Variants in ABCC1 observed in about 807,000 individuals in gnomAD.
ABCC1 encodes the protein ATP binding cassette subfamily C member 1 (ABCC1 blood group), also known as multidrug resistance-associated protein 1.
ABCC1 carries 83 observed loss-of-function variants against 172.9 expected under a neutral mutation model. The ratio of observed to expected loss-of-function variants is 0.48; its 90% CI spans 0.40 to 0.58. ABCC1 has a LOEUF of 0.58. Ranked by LOEUF, ABCC1 falls within the 20% of genes least tolerant of loss-of-function variation. ABCC1 has a pLI of 0.00. For synonymous variants in ABCC1, 937 were observed against 825.2 expected (o/e 1.14, Z -2.32); for missense variants, 1,817 against 2,002.7 (o/e 0.91, Z 1.77).
chr16:16,013,273 T>G (rs2047863012), intron 3 of ABCC1, among the ~76,000 whole-genome samples: 2 of 150,906 alleles, frequency 1.3e-5, no homozygotes, highest in South Asian at 4.2e-4. Context: ...AGCACATGTT[T>G]TTTTTTTTTT....
intron 1 of ABCC1, among the ~76,000 whole-genome samples, chr16:16,002,960 G>A (rs2047371319): frequency 6.6e-6 from 1 of 152,134 alleles, no homozygotes; most frequent in African/African-American, 2.4e-5. Flanking sequence ...AATTTGGGGA[G>A]AAAGACATAT....
chr16:16,125,747 G>T, intron 25 of ABCC1, 63 bp from the exon 26 acceptor site: 73 of 464,078 alleles, frequency 1.6e-4, no homozygotes, highest in Non-Finnish European at 2.0e-4. Context: ...TGGAAAAAAA[G>T]AAAAAGGAAA....
chr16:16,006,160 C>G (rs1207115669), intron 1 of ABCC1, among the ~76,000 whole-genome samples: 1 of 151,850 alleles, frequency 6.6e-6, no homozygotes, highest in Non-Finnish European at 1.5e-5. Flanking sequence ...CTTATTTTAT[C>G]CGATTGAATT....
intron 18 of ABCC1, 25 bp from the exon 19 acceptor site, chr16:16,090,380 G>T: frequency 6.4e-7 from 1 of 1,561,710 alleles, no homozygotes; most frequent in East Asian, 2.3e-5. Flanking sequence ...GCACTCACGT[G>T]GCCGGGTGTC....
chr16:16,093,359 T>C (rs968597195), intron 19 of ABCC1, among the ~76,000 whole-genome samples: 1 of 152,158 alleles, frequency 6.6e-6, no homozygotes, highest in Non-Finnish European at 1.5e-5. Flanking sequence ...TAAACTCTCT[T>C]GGCCCCAGAT....
At chr16:16,125,489 T>C (rs1474230574) in intron 25 of ABCC1, among the ~76,000 whole-genome samples, 1 of 152,056 alleles carries the variant, frequency 6.6e-6, no homozygotes, top group African/African-American at 2.4e-5. Flanking sequence ...AATGCAGTGG[T>C]GGGATCTCGG....
At chr16:16,097,380 T>C (rs2051528333) in intron 19 of ABCC1, among the ~76,000 whole-genome samples, 1 of 152,250 alleles carries the variant, frequency 6.6e-6, no homozygotes, top group Non-Finnish European at 1.5e-5. Context: ...CCCAAAGTGC[T>C]GGGATTACAG....
chr16:16,115,324 CCT>C (rs1309226207), intron 23 of ABCC1, among the ~76,000 whole-genome samples: 1 of 152,128 alleles, frequency 6.6e-6, no homozygotes, highest in African/African-American at 2.4e-5. Context: ...GGAAACAAAA[CCT>C]ATCACTATAA....
chr16:16,026,526 G>A (rs534791366), intron 5 of ABCC1, among the ~76,000 whole-genome samples: 7 of 126,740 alleles, frequency 5.5e-5, no homozygotes, highest in African/African-American at 1.8e-4. Context: ...CCTCCCTATC[G>A]GTCACTTGAG....
At chr16:16,029,397 A>AT (rs1280655374) in intron 5 of ABCC1, among the ~76,000 whole-genome samples, 1 of 151,718 alleles carries the variant, frequency 6.6e-6, no homozygotes, top group East Asian at 1.9e-4. Context: ...CAATTTTTAT[A>AT]TTTTTTGTAG....
At chr16:16,097,533 A>T (rs952824035) in intron 19 of ABCC1, among the ~76,000 whole-genome samples, 4 of 152,224 alleles carry the variant, frequency 2.6e-5, no homozygotes, top group African/African-American at 9.6e-5. Flanking sequence ...TGTTCAAGGC[A>T]TGTCCTGCAT....
chr16:16,033,251 C>T (rs2151832265), intron 6 of ABCC1, 81 bp downstream of exon 6: 1 of 1,372,200 alleles, frequency 7.3e-7, no homozygotes, highest in East Asian at 2.3e-5. Context: ...ATGCTCAGCT[C>T]CCCCTCCCCA....
At chr16:15,996,230 G>A (rs1008919095) in intron 1 of ABCC1, among the ~76,000 whole-genome samples, 4 of 151,982 alleles carry the variant, frequency 2.6e-5, no homozygotes, top group African/African-American at 9.7e-5. Context: ...TGATCCGCCC[G>A]CCTCAGCCTC....
intron 1 of ABCC1, among the ~76,000 whole-genome samples, chr16:15,951,207 G>A (rs778742342): frequency 3.3e-5 from 5 of 152,132 alleles, no homozygotes; most frequent in Admixed American, 1.3e-4. Context: ...GTGAATTCCA[G>A]AATATTCTCT....
intron 20 of ABCC1, 131 bp from the exon 21 acceptor site, chr16:16,106,607 C>A: frequency 9.7e-7 from 1 of 1,030,176 alleles, no homozygotes; most frequent in Non-Finnish European, 1.4e-6. Flanking sequence ...TATATGTTTA[C>A]ATGTGTGCAT....
chr16:16,117,321 A>T (rs1011644699), intron 23 of ABCC1, among the ~76,000 whole-genome samples: 2 of 152,118 alleles, frequency 1.3e-5, no homozygotes, highest in African/African-American at 4.8e-5. Context: ...AAACCATCAG[A>T]TCTTGTGAGA....
At chr16:16,019,430 TACAAA>T (rs1185311234) in intron 5 of ABCC1, among the ~76,000 whole-genome samples, 1 of 152,108 alleles carries the variant, frequency 6.6e-6, no homozygotes, top group Non-Finnish European at 1.5e-5. Context: ...CTGGGATTTA[TACAAA>T]ACAAGTCACA....
chr16:15,960,430 C>A (rs2046101644), intron 1 of ABCC1, among the ~76,000 whole-genome samples: 1 of 152,108 alleles, frequency 6.6e-6, no homozygotes, highest in South Asian at 2.1e-4. Context: ...GCTTTTCATT[C>A]ATTCATTTAT....
At chr16:16,134,104 C>CT (rs1397616365) in intron 27 of ABCC1, among the ~76,000 whole-genome samples, 1 of 152,128 alleles carries the variant, frequency 6.6e-6, no homozygotes, top group Non-Finnish European at 1.5e-5. Context: ...TTTGAGGTCT[C>CT]TAGTAACTTA....
Sources: gnomAD v4.1 joint callset for allele counts (sites outside exome capture counted in the v4.1 genomes callset) on GRCh38, gnomAD v4.1.1 for gene constraint, MANE v1.5 for transcripts, NCBI Gene and HGNC (gene_info 2026-07-23, HGNC 2026-07-21) for gene names.